The following SDSL variants were observed in gnomAD, a reference collection of about 807,000 sequenced individuals.
The protein encoded by SDSL is serine dehydratase like.
In SDSL, 26 loss-of-function variants were observed where a neutral mutation model predicts 27.6. That is an observed-to-expected ratio of 0.94 (90% confidence interval 0.69 to 1.31). The LOEUF (loss-of-function observed/expected upper bound fraction) is 1.31. Among genes scored for constraint, SDSL ranks in the 50% most tolerant of loss-of-function variants. The pLI, the probability that SDSL is intolerant of heterozygous loss-of-function variation, is 0.00. For synonymous variants in SDSL, 196 were observed against 180.6 expected, an observed-to-expected ratio of 1.09 and a Z score of -0.69; for missense variants, 431 against 423.5, an observed-to-expected ratio of 1.02 and a Z score of -0.16.
intron 4 of SDSL, 45 bp downstream of exon 4, chr12:113,429,344 C>A (rs765330449): frequency 7.0e-6 from 11 of 1,573,294 alleles, no homozygotes; most frequent in Non-Finnish European, 9.6e-6. Context: ...GGGCTGCTCT[C>A]CTTCACCTCA....
Position 113,427,989 on chromosome 12 carries a change from G to A in SDSL, c.7G>A (p.Gly3Ser), listed in dbSNP as rs144641930. 1.9e-5 allele frequency: 30 copies of A among 1,611,028 alleles called. No individual in the cohort carries two copies. Among genetic ancestry groups the A allele is most frequent in the East Asian group, 4.5e-5 (2 of 44,838 alleles). The change falls in exon 2 of 8, where the codon GGC becomes AGC. Residue 3 changes from glycine (G) to serine (S), a missense_variant. Physicochemically the swap from Gly to Ser is moderately conservative, Grantham distance 56. Coordinates refer to ENST00000403593, the MANE Select transcript of SDSL (RefSeq NM_001304993.2). ...TGTCTACCTGGTCTCCAGAATGGAC[G>A]GCCCTGTGGCAGAGCATGCCAAGCA... Reference protein sequence around the residue: MDGPVAEHAKQEP... With the variant: MDSPVAEHAKQEP...
chr12:113,434,081 C>A, intron 4 of SDSL, 53 bp from the exon 5 acceptor site: 1 of 1,483,298 alleles, frequency 6.7e-7, no homozygotes, highest in Non-Finnish European at 9.4e-7. Context: ...CTGCTCCGGC[C>A]TCCATAGCAG....
At chr12:113,431,161 G>C (rs889122389) in intron 4 of SDSL, among the ~76,000 whole-genome samples, 1 of 152,242 alleles carries the variant, frequency 6.6e-6, no homozygotes, top group African/African-American at 2.4e-5. Flanking sequence ...GCGTGGATGA[G>C]CACGGTGCAT....
chr12:113,425,817 G>A (rs1047809757), intron 1 of SDSL: 3 of 427,658 alleles, frequency 7.0e-6, no homozygotes, highest in East Asian at 7.1e-5. Flanking sequence ...GTGAAACCCC[G>A]TCTCTACAAA....
At position 113,435,501 on chromosome 12, in the gene SDSL, T is replaced by C; in HGVS notation, c.616T>C (p.Cys206Arg). 6.2e-7 allele frequency: 1 copy of C among 1,614,168 alleles called. No homozygotes were observed. Among genetic ancestry groups the C allele is most frequent in the Non-Finnish European group, 8.5e-7 (1 of 1,180,002 alleles). The stretch of plus-strand genomic sequence containing the variant: ...TGCCATGGAGACCCATGGGGCACAC[T>C]GCTTCAATGCGGCCATCACAGCCGG... The part of the protein sequence containing the change: ...IIAMETHGAH[C>R]FNAAITAGKL... Residue 206 changes from cysteine to arginine, a missense_variant, in exon 6 of 8, where the codon TGC becomes CGC. Transcript: ENST00000403593.
chr12:113,422,718 G>A (rs1273454731), intron 1 of SDSL: 4 of 152,290 alleles, frequency 2.6e-5, no homozygotes, highest in Admixed American at 6.5e-5. Context: ...GCCTGCCAGA[G>A]GGGCAGGGTT....
At chr12:113,429,443 G>T (rs1957892763) in intron 4 of SDSL, 144 bp downstream of exon 4, 5 of 925,674 alleles carry the variant, frequency 5.4e-6, no homozygotes, top group Non-Finnish European at 8.0e-6. Flanking sequence ...AGCTGAGGGG[G>T]GAATGAGGTG....
intron 1 of SDSL, among the ~76,000 whole-genome samples, chr12:113,424,068 C>A (rs888693019): frequency 6.6e-6 from 1 of 152,074 alleles, no homozygotes; most frequent in African/African-American, 2.4e-5. Flanking sequence ...AGTGCAATGG[C>A]GCGATCTCGG....
intron 1 of SDSL, chr12:113,426,427 T>C (rs1957852059): frequency 3.3e-6 from 1 of 303,692 alleles, no homozygotes; most frequent in Non-Finnish European, 6.6e-6. Flanking sequence ...TCATATTTAA[T>C]GGGATGATTT....
intron 4 of SDSL, among the ~76,000 whole-genome samples, chr12:113,433,516 G>A (rs902296322): frequency 5.9e-5 from 9 of 152,218 alleles, no homozygotes; most frequent in Non-Finnish European, 2.9e-5. Context: ...GGAAGCATTG[G>A]TAGGGAGTGT....
chr12:113,429,136 G>A, intron 3 of SDSL, 24 bp from the exon 4 acceptor site: 1 of 1,603,648 alleles, frequency 6.2e-7, no homozygotes, highest in African/African-American at 1.3e-5. Flanking sequence ...TCTGCCCACT[G>A]CCCCTTTCCT....
At chr12:113,433,452 C>T (rs1038646611) in intron 4 of SDSL, among the ~76,000 whole-genome samples, 6 of 152,164 alleles carry the variant, frequency 3.9e-5, no homozygotes, top group Admixed American at 6.5e-5. Context: ...CTCCCAAAAG[C>T]GGTCCCTGAA....
chr12:113,431,440 A>AT (rs899397279), intron 4 of SDSL, among the ~76,000 whole-genome samples: 2 of 151,832 alleles, frequency 1.3e-5, no homozygotes, highest in Non-Finnish European at 2.9e-5. Context: ...TTTTGAATCT[A>AT]TTTTTTTCTT....
At chr12:113,426,128 C>CGCCCTCACCCCCT in intron 1 of SDSL, 3 of 455,328 alleles carry the variant, frequency 6.6e-6, no homozygotes, top group South Asian at 1.6e-5. Context: ...TCCACATCTC[C>CGCCCTCACCCCCT]GCCCTCACCC....
intron 4 of SDSL, among the ~76,000 whole-genome samples, chr12:113,432,228 C>A (rs1312044054): frequency 1.4e-4 from 8 of 58,170 alleles, no homozygotes; most frequent in Admixed American, 1.2e-3. Flanking sequence ...TTCTTTCTTT[C>A]TTTCTTTCTT....
chr12:113,425,859 T>A, intron 1 of SDSL: 1 of 391,748 alleles, frequency 2.6e-6, no homozygotes, highest in South Asian at 1.9e-5. Context: ...CGTGGTGACG[T>A]GTGCCTGTGG....
chr12:113,436,991 C>A, intron 7 of SDSL, 116 bp downstream of exon 7: 1 of 1,100,540 alleles, frequency 9.1e-7, no homozygotes, highest in South Asian at 1.9e-5. Context: ...GCTAGGTGTG[C>A]AGTTACTGTG....
intron 3 of SDSL, 93 bp from the exon 4 acceptor site, chr12:113,429,067 A>T: frequency 6.9e-7 from 1 of 1,449,756 alleles, no homozygotes; most frequent in Non-Finnish European, 9.4e-7. Flanking sequence ...AATGTTGGGG[A>T]CGAGTGACTC....
intron 1 of SDSL, among the ~76,000 whole-genome samples, chr12:113,424,078 GCTCACTGCAACCTCGC>G (rs1215050158): frequency 2.6e-5 from 4 of 152,168 alleles, no homozygotes; most frequent in African/African-American, 9.6e-5. Context: ...CGCGATCTCG[GCTCACTGCAACCTCGC>G]CTCACCGCAA....
Sources: gnomAD v4.1 joint callset for allele counts (sites outside exome capture counted in the v4.1 genomes callset) on GRCh38, gnomAD v4.1.1 for gene constraint, MANE v1.5 for transcripts, NCBI Gene and HGNC (gene_info 2026-07-23, HGNC 2026-07-21) for gene names.